Variants in SUGCT observed in about 807,000 individuals in gnomAD.
SUGCT encodes the protein succinyl-CoA:glutarate-CoA transferase, also known as succinyl-CoA:glutarate CoA-transferase.
SUGCT carries 41 observed loss-of-function variants against 55.0 expected under a neutral mutation model. The ratio of observed to expected loss-of-function variants is 0.74; its 90% CI spans 0.58 to 0.97. The LOEUF is 0.97. SUGCT is among the 50% of genes least tolerant of loss of function. SUGCT has a pLI of 0.00. For missense variants in SUGCT, 568 were observed against 547.8 expected (o/e 1.04, Z -0.37); for synonymous variants, 187 against 200.4 (o/e 0.93, Z 0.56).
the SUGCT span, among the ~76,000 whole-genome samples, chr7:40,905,391 G>T: frequency 2.0e-5 from 3 of 152,164 alleles, no homozygotes; most frequent in Non-Finnish European, 4.4e-5. Flanking sequence ...AATGAAAAGA[G>T]ATGATAAAAG....
the SUGCT span, among the ~76,000 whole-genome samples, chr7:40,903,691 C>T: frequency 5.3e-5 from 8 of 152,208 alleles, no homozygotes; most frequent in Admixed American, 5.2e-4. Flanking sequence ...ACACGCAAGG[C>T]AAGGGGTGGC....
the SUGCT span, among the ~76,000 whole-genome samples, chr7:41,012,390 G>A: frequency 1.3e-5 from 2 of 152,186 alleles, no homozygotes; most frequent in African/African-American, 4.8e-5. Flanking sequence ...TTTCAACCCA[G>A]CCTGCTCTGT....
intron 13 of SUGCT, among the ~76,000 whole-genome samples, chr7:40,831,186 G>T (rs771105526): frequency 6.6e-6 from 1 of 152,110 alleles, no homozygotes; most frequent in East Asian, 1.9e-4. Flanking sequence ...TTAGATTCCC[G>T]TAAAAAGCCT....
intron 13 of SUGCT, among the ~76,000 whole-genome samples, chr7:40,778,027 C>T (rs1379715000): frequency 6.6e-6 from 1 of 152,230 alleles, no homozygotes; most frequent in East Asian, 1.9e-4. Flanking sequence ...CCTTTCCACT[C>T]TAGTGGCCCC....
chr7:40,421,445 T>C (rs1425903147), intron 9 of SUGCT, among the ~76,000 whole-genome samples: 2 of 152,180 alleles, frequency 1.3e-5, no homozygotes, highest in Admixed American at 1.3e-4. Flanking sequence ...CTGGATACTT[T>C]ATCATAATCC....
At chr7:40,870,366 A>C in the SUGCT span, among the ~76,000 whole-genome samples, 1 of 152,082 alleles carries the variant, frequency 6.6e-6, no homozygotes, top group Admixed American at 6.6e-5. Flanking sequence ...TCTCTCTCTC[A>C]GTCTGCTTTC....
At chr7:40,449,235 G>T in intron 9 of SUGCT, 52 bp from the exon 10 acceptor site, 1 of 1,233,546 alleles carries the variant, frequency 8.1e-7, no homozygotes, top group Non-Finnish European at 1.2e-6. Context: ...TTAAACTTTT[G>T]TGGTCTTGTC....
intron 11 of SUGCT, among the ~76,000 whole-genome samples, chr7:40,473,383 TG>T (rs1321555697): frequency 1.3e-5 from 2 of 152,202 alleles, no homozygotes; most frequent in Non-Finnish European, 2.9e-5. Context: ...AGTAGTTGGA[TG>T]TGATATTTGA....
chr7:40,483,881 A>C (rs1178086195), intron 11 of SUGCT, among the ~76,000 whole-genome samples: 1 of 152,204 alleles, frequency 6.6e-6, no homozygotes, highest in African/African-American at 2.4e-5. Flanking sequence ...AGTGAATGGC[A>C]TCAATTACTT....
chr7:40,755,408 C>T (rs935072868), intron 13 of SUGCT, among the ~76,000 whole-genome samples: 2 of 152,194 alleles, frequency 1.3e-5, no homozygotes, highest in African/African-American at 4.8e-5. Context: ...AAGTTTACAT[C>T]ACAGCATTTC....
chr7:40,813,162 T>C (rs1791508324), intron 13 of SUGCT, among the ~76,000 whole-genome samples: 1 of 152,180 alleles, frequency 6.6e-6, no homozygotes, highest in African/African-American at 2.4e-5. Context: ...GTTCCATGTA[T>C]AGATGAGAAG....
intron 12 of SUGCT, among the ~76,000 whole-genome samples, chr7:40,705,856 T>C (rs190327064): frequency 6.6e-6 from 1 of 152,240 alleles, no homozygotes; most frequent in Admixed American, 6.5e-5. Flanking sequence ...TCTCAGAAAC[T>C]CAGAGGGGAC....
Position 40,792,213 on chromosome 7 carries a change from G to A in SUGCT, c.1153+42716G>A, listed in dbSNP as rs544649943. On this transcript the variant is annotated intron_variant, in intron 13 of 13. Transcript: ENST00000335693. Reference sequence around the variant, plus strand: ...CTGGACTTTAGAAATATGAACATGCGCCTGTGTCGTAGAACAGGAAGGAAG... The same window carrying A: ...CTGGACTTTAGAAATATGAACATGCACCTGTGTCGTAGAACAGGAAGGAAG... 9.2e-5 allele frequency among the ~76,000 whole-genome samples: 14 copies of A among 152,200 alleles called. 1 individual carries two copies. In the South Asian group the frequency reaches 2.9e-3, roughly 32 times the overall value.
At chr7:40,926,228 T>G in the SUGCT span, among the ~76,000 whole-genome samples, 1 of 152,132 alleles carries the variant, frequency 6.6e-6, no homozygotes, top group Admixed American at 6.5e-5. Flanking sequence ...AATATTTCAA[T>G]AGTAGTAATC....
chr7:40,337,436 A>G (rs988251756), intron 9 of SUGCT, among the ~76,000 whole-genome samples: 1 of 152,144 alleles, frequency 6.6e-6, no homozygotes, highest in African/African-American at 2.4e-5. Context: ...GTTCTCCTGT[A>G]TTGGATGCAT....
chr7:40,245,418 TA>T (rs1433416879), intron 7 of SUGCT, among the ~76,000 whole-genome samples: 2 of 31,008 alleles, frequency 6.4e-5, no homozygotes, highest in Admixed American at 4.9e-4. Context: ...TATATATATA[TA>T]TATATTTTTT....
chr7:40,379,964 C>T (rs1170534436), intron 9 of SUGCT, among the ~76,000 whole-genome samples: 3 of 152,152 alleles, frequency 2.0e-5, no homozygotes, highest in Admixed American at 2.0e-4. Context: ...CTATTGTTTA[C>T]CCCAAATATT....
intron 10 of SUGCT, among the ~76,000 whole-genome samples, chr7:40,455,259 A>C (rs1371590948): frequency 2.0e-5 from 3 of 152,206 alleles, no homozygotes; most frequent in African/African-American, 7.2e-5. Context: ...AAAATAGGTA[A>C]GTGTAATAGT....
At chr7:40,526,389 T>G (rs1356977518) in intron 12 of SUGCT, among the ~76,000 whole-genome samples, 1 of 152,196 alleles carries the variant, frequency 6.6e-6, no homozygotes, top group Non-Finnish European at 1.5e-5. Flanking sequence ...TTTCAAGGAC[T>G]TCTCTACTTG....
Sources: allele counts gnomAD v4.1 joint callset (sites outside exome capture counted in the v4.1 genomes callset), GRCh38; gene constraint gnomAD v4.1.1; transcripts MANE v1.5; gene names NCBI Gene and HGNC (gene_info 2026-07-23, HGNC 2026-07-21).